SLC39A10: variants seen among roughly 807,000 people sequenced by gnomAD.
SLC39A10 encodes solute carrier family 39 member 10.
In SLC39A10, 13 loss-of-function variants were observed where a neutral mutation model predicts 65.1. That is an observed-to-expected ratio of 0.20 (90% CI 0.13 to 0.32). The LOEUF (loss-of-function observed/expected upper bound fraction) is 0.32, where lower values mean the gene tolerates loss of function less well. SLC39A10 is among the 10% of genes least tolerant of loss of function. The pLI, the probability that SLC39A10 is intolerant of heterozygous loss-of-function variation, is 1.00. For synonymous variants in SLC39A10, 321 were observed against 342.2 expected (o/e 0.94, Z 0.68); for missense variants, 831 against 1,018.4 (o/e 0.82, Z 2.50).
intron 1 of SLC39A10, among the ~76,000 whole-genome samples, chr2:195,671,004 G>C (rs1475736703): frequency 6.6e-6 from 1 of 152,152 alleles, no homozygotes; most frequent in Non-Finnish European, 1.5e-5. Flanking sequence ...ATGAAGTGAA[G>C]TGCAACCATG....
chr2:195,680,891 A>G lies in SLC39A10; in HGVS notation c.849A>G (p.Pro283=). The G allele has an allele frequency of 6.2e-7, 1 of 1,614,198 alleles. No individual in the cohort carries two copies. The highest frequency in any genetic ancestry group is 8.5e-7 in the Non-Finnish European group (1 of 1,180,034). The change falls in exon 2 of 10, where the codon CCA becomes CCG. Residue 283 remains proline, a synonymous_variant. Coordinates refer to ENST00000359634, the MANE Select transcript of SLC39A10 (RefSeq NM_020342.3). The part of the protein sequence containing the change: ...HNPGHSHVHL[P]ERNGHDPGRG... The stretch of plus-strand genomic sequence containing the variant: ...CAGGTCATTCTCATGTACATCTTCC[A>G]GAACGTAATGGTCATGATCCTGGTC...
In SLC39A10 at chr2:195,735,136, G is replaced by A. The variant is rs1011025371; in HGVS notation, c.*95G>A. ...ATGCACATTGCTCAAAGGAAAGTCA[G>A]TGGCTTGCACTACTTACAAGTTTCA... On this transcript the variant is annotated 3_prime_UTR_variant, in exon 10 of 10. Transcript: ENST00000359634. The A allele has an allele frequency of 9.0e-6, 12 of 1,331,252 alleles. No individual in the cohort carries two copies. Among genetic ancestry groups the A allele is most frequent in the African/African-American group, 3.0e-5 (2 of 66,024 alleles). 82.5% of individuals were successfully genotyped at this position (1,331,252 alleles called of 1,614,324 possible).
At chr2:195,692,931 T>C (rs1017880064) in intron 3 of SLC39A10, among the ~76,000 whole-genome samples, 1 of 152,202 alleles carries the variant, frequency 6.6e-6, no homozygotes, top group Non-Finnish European at 1.5e-5. Flanking sequence ...CTTTCAACTT[T>C]TTCCCATTTA....
intron 2 of SLC39A10, among the ~76,000 whole-genome samples, chr2:195,642,742 G>A (rs758334646): frequency 3.6e-4 from 55 of 152,144 alleles, no homozygotes; most frequent in Non-Finnish European, 6.9e-4. Flanking sequence ...TAGAAATTGC[G>A]TTTTTAATAA....
intron 6 of SLC39A10, 50 bp downstream of exon 6, chr2:195,713,603 A>G (rs77049069): frequency 2.1e-6 from 3 of 1,449,240 alleles, no homozygotes; most frequent in Non-Finnish European, 2.8e-6. Flanking sequence ...TTTTTTTTTC[A>G]TTCAAATTTA....
At chr2:195,672,969 T>A (rs1455983434) in intron 1 of SLC39A10, among the ~76,000 whole-genome samples, 2 of 152,224 alleles carry the variant, frequency 1.3e-5, no homozygotes, top group Admixed American at 1.3e-4. Flanking sequence ...CCACGCCTTT[T>A]TATCTTCATT....
chr2:195,674,264 T>G (rs561148974), intron 1 of SLC39A10, among the ~76,000 whole-genome samples: 3 of 152,118 alleles, frequency 2.0e-5, no homozygotes, highest in Non-Finnish European at 4.4e-5. Context: ...GTTACACAGC[T>G]GACCACTTTT....
At chr2:195,719,721 G>A (rs1441557967) in intron 8 of SLC39A10, among the ~76,000 whole-genome samples, 1 of 150,784 alleles carries the variant, frequency 6.6e-6, no homozygotes, top group Non-Finnish European at 1.5e-5. Context: ...GGGTTCAAGC[G>A]ATTCTCATGC....
chr2:195,684,524 C>T (rs1460282881), intron 3 of SLC39A10, among the ~76,000 whole-genome samples: 1 of 152,040 alleles, frequency 6.6e-6, no homozygotes, highest in East Asian at 1.9e-4. Context: ...AAAACTTATA[C>T]TCCACACAAA....
Position 195,713,414 on chromosome 2 carries a change from A to ATTTTTTT in SLC39A10, c.1576-17_1576-11dup. ...ACATTTTATACTAATATCAGATACT[A>ATTTTTTT]TTTTTTTTCTTTTTTTAGGGAAAAC... is the stretch of plus-strand genomic sequence containing the variant. On this transcript the variant is annotated intron_variant, in intron 5 of 9. Transcript: ENST00000359634. The ATTTTTTT allele has an allele frequency of 6.6e-7, 1 of 1,517,006 alleles. No individual in the cohort carries two copies. Among genetic ancestry groups the ATTTTTTT allele is most frequent in the Non-Finnish European group, 8.8e-7 (1 of 1,131,948 alleles). 94.0% of individuals were successfully genotyped at this position (1,517,006 alleles called of 1,614,324 possible).
At chr2:195,624,887 C>CAAAAAAA (rs60370795) in intron 2 of SLC39A10, among the ~76,000 whole-genome samples, 1 of 47,336 alleles carries the variant, frequency 2.1e-5, no homozygotes, top group Non-Finnish European at 4.1e-5. Context: ...GACTCCATCT[C>CAAAAAAA]AAAAAAAAAA....
chr2:195,652,206 G>A (rs905808965), upstream of SLC39A10, among the ~76,000 whole-genome samples: 1 of 152,176 alleles, frequency 6.6e-6, no homozygotes, highest in Non-Finnish European at 1.5e-5. Flanking sequence ...GAGTGTCTGG[G>A]TTAAGATAAG....
chr2:195,710,672 A>G (rs1559044587), intron 5 of SLC39A10, among the ~76,000 whole-genome samples: 2 of 152,156 alleles, frequency 1.3e-5, no homozygotes, highest in South Asian at 2.1e-4. Flanking sequence ...CAAATTGTAT[A>G]TTTTAGTTAT....
intron 2 of SLC39A10, among the ~76,000 whole-genome samples, chr2:195,634,771 G>C (rs894051382): frequency 2.0e-5 from 3 of 152,280 alleles, no homozygotes; most frequent in African/African-American, 7.2e-5. Flanking sequence ...CCTCAGGCCA[G>C]GTGTGGTGGC....
intron 8 of SLC39A10, among the ~76,000 whole-genome samples, chr2:195,727,625 T>TA (rs1040781775): frequency 3.1e-4 from 47 of 152,258 alleles, no homozygotes; most frequent in African/African-American, 1.1e-3. Flanking sequence ...GAAGAAAGGG[T>TA]AGAAGTTCGA....
chr2:195,697,736 C>T (rs111805073), intron 3 of SLC39A10, among the ~76,000 whole-genome samples: 31 of 152,170 alleles, frequency 2.0e-4, no homozygotes, highest in African/African-American at 6.7e-4. Flanking sequence ...CAAGAAAAAA[C>T]GACCCCATTA....
chr2:195,702,106 A>G (rs755782977), intron 3 of SLC39A10, among the ~76,000 whole-genome samples: 42 of 144,614 alleles, frequency 2.9e-4, no homozygotes, highest in Admixed American at 1.9e-3. Context: ...CCAAAAGAGA[A>G]AAAAAGAAGG....
intron 1 of SLC39A10, among the ~76,000 whole-genome samples, chr2:195,657,841 C>T (rs1429204082): frequency 1.3e-5 from 2 of 152,184 alleles, no homozygotes; most frequent in African/African-American, 2.4e-5. Context: ...GATGGAGCCT[C>T]GGCACCGCTG....
intron 2 of SLC39A10, 55 bp downstream of exon 2, chr2:195,681,105 G>A: frequency 1.3e-6 from 2 of 1,516,246 alleles, no homozygotes; most frequent in Non-Finnish European, 1.8e-6. Context: ...TAATTGTGGT[G>A]CATTTTAAAA....
Sources: gnomAD v4.1 joint callset for allele counts (sites outside exome capture counted in the v4.1 genomes callset) on GRCh38, gnomAD v4.1.1 for gene constraint, MANE v1.5 for transcripts, NCBI Gene and HGNC (gene_info 2026-07-23, HGNC 2026-07-21) for gene names.